IMMP2L: variants seen among roughly 807,000 people sequenced by gnomAD.
The protein encoded by IMMP2L is inner mitochondrial membrane peptidase subunit 2.
Under a neutral mutation model 19.3 loss-of-function variants are expected in IMMP2L, and 18 were observed. The observed-to-expected ratio is 0.93, with a 90% CI of 0.64 to 1.38. The LOEUF (loss-of-function observed/expected upper bound fraction) is 1.38. IMMP2L is among the 40% of genes most tolerant of loss of function. The pLI is 0.00. For missense variants in IMMP2L, 233 were observed against 218.2 expected (o/e 1.07, Z -0.43); for synonymous variants, 76 against 73.0 (o/e 1.04, Z -0.21).
intron 1 of IMMP2L, among the ~76,000 whole-genome samples, chr7:111,524,822 C>T (rs1742451724): frequency 6.6e-6 from 1 of 152,112 alleles, no homozygotes; most frequent in African/African-American, 2.4e-5. Flanking sequence ...TACTTTGTAA[C>T]CTCTACGTGG....
intron 3 of IMMP2L, among the ~76,000 whole-genome samples, chr7:110,966,753 T>G (rs2129555999): frequency 6.6e-6 from 1 of 152,152 alleles, no homozygotes; most frequent in Admixed American, 6.6e-5. Flanking sequence ...GCTCAAAATC[T>G]ATATCTATAT....
intron 3 of IMMP2L, among the ~76,000 whole-genome samples, chr7:110,974,195 T>G (rs541471890): frequency 1.3e-5 from 2 of 152,258 alleles, no homozygotes; most frequent in Admixed American, 6.5e-5. Context: ...CTCAGAAACA[T>G]ATGCTCACCA....
At position 111,385,657 on chromosome 7, in the gene IMMP2L, G is replaced by A. The variant is rs78346563; in HGVS notation, c.239+101581C>T. Among the ~76,000 whole-genome samples the A allele has an allele frequency of 9.6e-3, 1,462 of 152,108 alleles. 38 individuals are homozygous for A. The highest frequency in any genetic ancestry group is 0.034 in the African/African-American group (1,393 of 41,498). On this transcript the variant is annotated intron_variant, in intron 3 of 5. Transcript: ENST00000405709. ...TCATTGTGGTTTCTACCATATAAAC[G>A]TCATTTTACTCTACTGGTTACTTGG...
intron 5 of IMMP2L, among the ~76,000 whole-genome samples, chr7:110,842,576 T>C (rs1291497964): frequency 1.3e-5 from 2 of 152,260 alleles, no homozygotes; most frequent in Middle Eastern, 3.4e-3. Context: ...TTTTTAACCT[T>C]TGGGGGAGGC....
intron 2 of IMMP2L, among the ~76,000 whole-genome samples, chr7:111,504,656 G>C (rs1010921818): frequency 1.4e-4 from 22 of 152,266 alleles, no homozygotes; most frequent in African/African-American, 5.1e-4. Flanking sequence ...AGAGCCCTCA[G>C]AAATAATGCC....
intron 3 of IMMP2L, among the ~76,000 whole-genome samples, chr7:111,269,113 C>T (rs6959670): frequency 0.35 from 52,425 of 151,932 alleles, 9,460 homozygotes; most frequent in South Asian, 0.6. Flanking sequence ...AGATCCATAC[C>T]TAGTCATGAG....
At chr7:111,086,066 C>T (rs2129577070) in intron 3 of IMMP2L, among the ~76,000 whole-genome samples, 1 of 152,108 alleles carries the variant, frequency 6.6e-6, no homozygotes, top group South Asian at 2.1e-4. Flanking sequence ...AACCCCGCCC[C>T]ATGCCCCATG....
intron 3 of IMMP2L, among the ~76,000 whole-genome samples, chr7:111,218,663 C>T (rs1812216161): frequency 6.6e-6 from 1 of 151,976 alleles, no homozygotes; most frequent in Admixed American, 6.6e-5. Flanking sequence ...TAGTTCATTA[C>T]CAATAAGGCT....
chr7:111,321,115 T>C (rs930185745), intron 3 of IMMP2L, among the ~76,000 whole-genome samples: 2 of 152,010 alleles, frequency 1.3e-5, no homozygotes, highest in Non-Finnish European at 2.9e-5. Flanking sequence ...TAAGAGTTTG[T>C]CATAAATTTC....
intron 4 of IMMP2L, among the ~76,000 whole-genome samples, chr7:110,895,920 G>A (rs1198602945): frequency 1.3e-5 from 2 of 152,040 alleles, no homozygotes; most frequent in Non-Finnish European, 2.9e-5. Flanking sequence ...TTGTAGAGTT[G>A]TCAGAATTTT....
At chr7:111,194,797 G>C (rs1484116674) in intron 3 of IMMP2L, among the ~76,000 whole-genome samples, 1 of 151,998 alleles carries the variant, frequency 6.6e-6, no homozygotes, top group African/African-American at 2.4e-5. Context: ...CCTTATATTA[G>C]AAATCACAAA....
intron 3 of IMMP2L, among the ~76,000 whole-genome samples, chr7:111,028,258 C>G (rs1827062342): frequency 6.6e-6 from 1 of 152,044 alleles, no homozygotes; most frequent in African/African-American, 2.4e-5. Flanking sequence ...TAACCATTAA[C>G]TTGGTAAGTC....
At chr7:110,963,202 C>A in intron 4 of IMMP2L, 1 of 794,782 alleles carries the variant, frequency 1.3e-6, no homozygotes, top group South Asian at 2.2e-5. Flanking sequence ...TTAAAATAGT[C>A]ATGCTACTTT....
intron 3 of IMMP2L, among the ~76,000 whole-genome samples, chr7:111,138,075 C>A (rs1211687051): frequency 6.6e-6 from 1 of 152,168 alleles, no homozygotes; most frequent in East Asian, 1.9e-4. Flanking sequence ...AAGCTATCTG[C>A]TCCCCTAGGC....
At chr7:111,111,949 T>TG (rs1210375159) in intron 3 of IMMP2L, among the ~76,000 whole-genome samples, 1 of 132,228 alleles carries the variant, frequency 7.6e-6, no homozygotes, top group Non-Finnish European at 1.6e-5. Flanking sequence ...TTTGTTTTTT[T>TG]TTTTTTTTTT....
intron 1 of IMMP2L, among the ~76,000 whole-genome samples, chr7:111,551,520 G>T (rs1450884113): frequency 6.6e-6 from 1 of 151,676 alleles, no homozygotes; most frequent in African/African-American, 2.4e-5. Flanking sequence ...GTGTGTGTGT[G>T]TGTGTGTGTG....
At chr7:111,024,077 T>C (rs924336808) in intron 3 of IMMP2L, among the ~76,000 whole-genome samples, 2 of 152,196 alleles carry the variant, frequency 1.3e-5, no homozygotes, top group Non-Finnish European at 1.5e-5. Context: ...TACCATTCAA[T>C]TGAGTCAAGA....
chr7:110,821,701 A>G (rs779045229), intron 5 of IMMP2L, among the ~76,000 whole-genome samples: 25 of 152,040 alleles, frequency 1.6e-4, no homozygotes, highest in African/African-American at 2.7e-4. Flanking sequence ...TCATGAGGTC[A>G]GGAGATCGAG....
At chr7:111,404,068 T>C (rs1833704446) in intron 3 of IMMP2L, among the ~76,000 whole-genome samples, 1 of 152,134 alleles carries the variant, frequency 6.6e-6, no homozygotes, top group Admixed American at 6.5e-5. Flanking sequence ...ATGCATCACA[T>C]TTAACACAGC....
Sources: allele counts gnomAD v4.1 joint callset (sites outside exome capture counted in the v4.1 genomes callset), GRCh38; gene constraint gnomAD v4.1.1; transcripts MANE v1.5; gene names NCBI Gene and HGNC (gene_info 2026-07-23, HGNC 2026-07-21).